CADPS: variants seen among roughly 807,000 people sequenced by gnomAD.
CADPS encodes calcium dependent secretion activator.
A neutral mutation model predicts 167.3 loss-of-function variants in CADPS; 57 were observed. The ratio of observed to expected loss-of-function variants is 0.34; its 90% CI spans 0.28 to 0.42. CADPS has a LOEUF of 0.42. Among genes scored for constraint, CADPS ranks in the 20% least tolerant of loss-of-function variants. The pLI is 1.00. For missense variants in CADPS, 1,414 were observed against 1,738.1 expected (o/e 0.81, Z 3.32); for synonymous variants, 676 against 635.3 (o/e 1.06, Z -0.96).
At chr3:62,659,428 C>A (rs2072596871) in intron 4 of CADPS, among the ~76,000 whole-genome samples, 1 of 152,148 alleles carries the variant, frequency 6.6e-6, no homozygotes. Context: ...TGGGATCCAA[C>A]TAAGCTGAGG....
rs1416795610 is a variant in CADPS at position 62,874,163 on chromosome 3, C to A, written c.441+426G>T. ...CCGTTGCCCCCGCCCGCCGAACGCA[C>A]GCCCAGGAGGGCGGGCCCGGAGTTG... On this transcript the variant is annotated intron_variant, in intron 1 of 29. Transcript: ENST00000383710. The surrounding 1 kb of genome is among the most constrained non-coding windows in gnomAD (Gnocchi z 7.1). Among the ~76,000 whole-genome samples, 1 of 152,012 alleles carries A rather than the reference C, an allele frequency of 6.6e-6. No individual in the cohort carries two copies. The highest frequency in any genetic ancestry group is 1.5e-5 in the Non-Finnish European group (1 of 67,972).
intron 28 of CADPS, among the ~76,000 whole-genome samples, chr3:62,405,989 G>T (rs998756882): frequency 3.3e-5 from 5 of 152,202 alleles, no homozygotes; most frequent in African/African-American, 9.7e-5. Context: ...AGGAAACAAA[G>T]GCCCAGAGAG....
intron 6 of CADPS, among the ~76,000 whole-genome samples, chr3:62,604,846 A>G (rs1263659211): frequency 2.0e-5 from 3 of 152,224 alleles, no homozygotes; most frequent in Non-Finnish European, 4.4e-5. Flanking sequence ...GAGAAAATGA[A>G]CTGCTCACCG....
At chr3:62,696,064 CT>C (rs1327753070) in intron 3 of CADPS, among the ~76,000 whole-genome samples, 1 of 152,092 alleles carries the variant, frequency 6.6e-6, no homozygotes, top group Non-Finnish European at 1.5e-5. Context: ...GCCTTGACCC[CT>C]ACATATAAAA....
At chr3:62,671,547 G>C (rs1014791931) in intron 3 of CADPS, among the ~76,000 whole-genome samples, 1 of 152,072 alleles carries the variant, frequency 6.6e-6, no homozygotes, top group African/African-American at 2.4e-5. Context: ...CTTCTATGCT[G>C]TGTATCCACT....
At chr3:62,588,936 C>A (rs2085292762) in intron 7 of CADPS, among the ~76,000 whole-genome samples, 1 of 152,048 alleles carries the variant, frequency 6.6e-6, no homozygotes, top group Non-Finnish European at 1.5e-5. Flanking sequence ...TTGGTACATG[C>A]AGAGACTATC....
chr3:62,740,903 T>C (rs1348180075), intron 3 of CADPS, among the ~76,000 whole-genome samples: 3 of 152,242 alleles, frequency 2.0e-5, no homozygotes, highest in Non-Finnish European at 4.4e-5. Context: ...TGCCACTATA[T>C]ATTACAATTG....
At chr3:62,508,487 G>C (rs1576995224) in intron 17 of CADPS, among the ~76,000 whole-genome samples, 1 of 152,260 alleles carries the variant, frequency 6.6e-6, no homozygotes, top group East Asian at 1.9e-4. Context: ...AACCTTGGGG[G>C]AGTGACTTAA....
intron 3 of CADPS, among the ~76,000 whole-genome samples, chr3:62,732,659 C>T (rs1190572530): frequency 6.6e-6 from 1 of 152,210 alleles, no homozygotes; most frequent in Non-Finnish European, 1.5e-5. Context: ...TTTGCAATTT[C>T]CTGCAGGCCA....
intron 28 of CADPS, among the ~76,000 whole-genome samples, chr3:62,423,325 C>T (rs1228820563): frequency 6.6e-6 from 1 of 152,200 alleles, no homozygotes. Flanking sequence ...CTATGCAACA[C>T]CCATCATTGT....
chr3:62,721,725 C>T (rs1331696080), intron 3 of CADPS, among the ~76,000 whole-genome samples: 1 of 152,038 alleles, frequency 6.6e-6, no homozygotes, highest in East Asian at 1.9e-4. Flanking sequence ...ATTACTATTG[C>T]CAGGCACTAT....
chr3:62,789,174 A>T (rs73842266), intron 1 of CADPS, among the ~76,000 whole-genome samples: 5 of 152,192 alleles, frequency 3.3e-5, no homozygotes, highest in African/African-American at 1.2e-4. Context: ...TCTAGTATCA[A>T]TGGCCACTAT....
At chr3:62,871,801 C>G (rs2082676888) in intron 1 of CADPS, among the ~76,000 whole-genome samples, 1 of 151,986 alleles carries the variant, frequency 6.6e-6, no homozygotes, top group Non-Finnish European at 1.5e-5. Context: ...AACCCATGTC[C>G]CATACTACTG....
rs767902686 is a variant in CADPS at position 62,481,787 on chromosome 3, G to C, written c.3109C>G (p.Leu1037Val). Residue 1037 changes from leucine (L) to valine (V), a missense_variant, in exon 22 of 30, where the codon CTA becomes GTA. Coordinates refer to ENST00000383710, the MANE Select transcript of CADPS (RefSeq NM_003716.4). ...KVPNLPVNIP[L>V]GIPQMPTFSA... The stretch of plus-strand genomic sequence containing the variant: ...AAAGTAGGCATTTGTGGGATGCCTA[G>C]AGGGATGTTAACTGGTAGATTTGGT... 6 of 1,611,966 alleles carry C rather than the reference G, an allele frequency of 3.7e-6. No individual in the cohort carries two copies. The highest frequency in any genetic ancestry group is 1.1e-5 in the South Asian group (1 of 90,390).
At chr3:62,763,079 T>C (rs1356818212) in intron 2 of CADPS, among the ~76,000 whole-genome samples, 1 of 152,158 alleles carries the variant, frequency 6.6e-6, no homozygotes, top group Non-Finnish European at 1.5e-5. Context: ...AACCATTACA[T>C]TCTTCCTGAA....
At chr3:62,622,752 T>C (rs1426355769) in intron 6 of CADPS, among the ~76,000 whole-genome samples, 5 of 152,162 alleles carry the variant, frequency 3.3e-5, no homozygotes, top group African/African-American at 7.2e-5. Context: ...AAAGTCATGA[T>C]AGAATTTAGC....
chr3:62,655,810 C>T (rs575132570), intron 4 of CADPS, among the ~76,000 whole-genome samples: 1 of 152,252 alleles, frequency 6.6e-6, no homozygotes, highest in East Asian at 1.9e-4. Context: ...CTCTCAGACA[C>T]TTCCTGGGCT....
chr3:62,517,898 A>AT (rs2069394203), intron 14 of CADPS, among the ~76,000 whole-genome samples: 1 of 152,174 alleles, frequency 6.6e-6, no homozygotes, highest in Non-Finnish European at 1.5e-5. Context: ...ACTTTTTGTA[A>AT]TAGATTGTTG....
chr3:62,562,805 T>C (rs1044769254), intron 9 of CADPS, among the ~76,000 whole-genome samples: 2 of 152,344 alleles, frequency 1.3e-5, no homozygotes, highest in South Asian at 2.1e-4. Context: ...ACTTGGCCCA[T>C]GCCTGGCCAA....
Sources: gnomAD v4.1 joint callset for allele counts (sites outside exome capture counted in the v4.1 genomes callset) on GRCh38, gnomAD v4.1.1 for gene constraint, Gnocchi (gnomAD v3.1) non-coding constraint, MANE v1.5 for transcripts, NCBI Gene and HGNC (gene_info 2026-07-23, HGNC 2026-07-21) for gene names.